Variants in TENM3 observed in about 807,000 individuals in gnomAD.
The protein encoded by TENM3 is teneurin transmembrane protein 3, also known as teneurin-3.
In TENM3, 63 loss-of-function variants were observed where a neutral mutation model predicts 255.1. The ratio of observed to expected loss-of-function variants is 0.25; its 90% confidence interval spans 0.20 to 0.30. TENM3 has a LOEUF of 0.30. TENM3 is among the 10% of genes least tolerant of loss of function. The probability of loss-of-function intolerance (pLI) is 1.00; values close to 1 mark genes in which losing one functional copy is unlikely to be tolerated. For missense variants in TENM3, 2,929 were observed against 3,461.1 expected, an observed-to-expected ratio of 0.85 and a Z score of 3.86; for synonymous variants, 1,306 against 1,322.3, an observed-to-expected ratio of 0.99 and a Z score of 0.27.
At chr4:182,416,906 A>G (rs548850345) in intron 3 of TENM3, among the ~76,000 whole-genome samples, 2 of 152,272 alleles carry the variant, frequency 1.3e-5, no homozygotes, top group South Asian at 2.1e-4. Flanking sequence ...ATGTTTTGTC[A>G]TTCAGCATGT....
At chr4:181,608,190 G>C in the TENM3 span, among the ~76,000 whole-genome samples, 1 of 152,206 alleles carries the variant, frequency 6.6e-6, no homozygotes, top group Non-Finnish European at 1.5e-5. Context: ...CTAAGAGGGA[G>C]AGAGCAAGAG....
chr4:182,757,877 CTA>C (rs1762851020), intron 22 of TENM3, among the ~76,000 whole-genome samples: 2 of 152,046 alleles, frequency 1.3e-5, no homozygotes, highest in Non-Finnish European at 2.9e-5. Context: ...TAAAGTATAT[CTA>C]TTAAATCTTA....
At chr4:182,739,017 G>A (rs959205991) in intron 18 of TENM3, among the ~76,000 whole-genome samples, 5 of 151,154 alleles carry the variant, frequency 3.3e-5, no homozygotes, top group African/African-American at 7.3e-5. Flanking sequence ...TTTAATTCTC[G>A]GGTAATTATT....
intron 6 of TENM3, among the ~76,000 whole-genome samples, chr4:182,657,353 C>A (rs767872740): frequency 6.6e-6 from 1 of 152,064 alleles, no homozygotes; most frequent in Non-Finnish European, 1.5e-5. Flanking sequence ...GATGACCCTG[C>A]ATTCTATTAA....
chr4:182,126,943 A>G, the TENM3 span, among the ~76,000 whole-genome samples: 1 of 152,318 alleles, frequency 6.6e-6, no homozygotes, highest in East Asian at 1.9e-4. Context: ...CATAGCCACA[A>G]ATCACCAATC....
intron 10 of TENM3, among the ~76,000 whole-genome samples, chr4:182,681,187 C>G (rs1370224561): frequency 6.6e-6 from 1 of 152,056 alleles, no homozygotes; most frequent in Non-Finnish European, 1.5e-5. Context: ...AGTCGAGATA[C>G]CATACTGTAA....
At chr4:182,264,998 G>C (rs552615825) in intron 1 of TENM3, among the ~76,000 whole-genome samples, 75 of 150,754 alleles carry the variant, frequency 5.0e-4, no homozygotes, top group African/African-American at 1.8e-3. Flanking sequence ...TAATGCACAC[G>C]AGAGGCCCTA....
the TENM3 span, among the ~76,000 whole-genome samples, chr4:181,658,749 A>G: frequency 6.6e-6 from 1 of 152,214 alleles, no homozygotes; most frequent in Non-Finnish European, 1.5e-5. Flanking sequence ...AGGCTATTTA[A>G]TTAGCCCACC....
chr4:181,532,056 A>G, the TENM3 span, among the ~76,000 whole-genome samples: 1 of 152,154 alleles, frequency 6.6e-6, no homozygotes, highest in Non-Finnish European at 1.5e-5. Flanking sequence ...GAAAGCCATT[A>G]TGTCTTTGAA....
At chr4:182,463,764 C>T (rs537013904) in intron 3 of TENM3, among the ~76,000 whole-genome samples, 1 of 151,866 alleles carries the variant, frequency 6.6e-6, no homozygotes, top group Non-Finnish European at 1.5e-5. Context: ...GCTGGGATTA[C>T]AGGCATGCGC....
chr4:182,235,285 G>C (rs1185185697), intron 1 of TENM3, among the ~76,000 whole-genome samples: 18 of 152,134 alleles, frequency 1.2e-4, no homozygotes, highest in Admixed American at 1.2e-3. Context: ...ATATTAATAG[G>C]TTAAAAATGT....
At position 182,754,303 on chromosome 4, in the gene TENM3, C is replaced by T; in HGVS notation, c.4018-82C>T. On this transcript the variant is annotated intron_variant, in intron 21 of 27. Coordinates refer to ENST00000511685, the MANE Select transcript of TENM3 (RefSeq NM_001080477.4). The surrounding 1 kb of genome is among the most constrained non-coding windows in gnomAD (Gnocchi z 5.1). The stretch of plus-strand genomic sequence containing the variant: ...TTTATCTCAGATTAATGCCAATTTC[C>T]CTGAATGGTCTAATTTACTCTTCTG... 7.2e-7 allele frequency: 1 copy of T among 1,384,834 alleles called. No homozygotes were observed. The highest frequency in any genetic ancestry group is 9.6e-7 in the Non-Finnish European group (1 of 1,038,590). The allele number at this position is 1,384,834 out of a possible 1,614,324, so 85.8% of individuals were successfully genotyped here. A position where few individuals can be genotyped will look rare whatever the true frequency, so the allele number is the denominator to read the frequency against.
At chr4:182,100,642 T>C in the TENM3 span, among the ~76,000 whole-genome samples, 4 of 64,940 alleles carry the variant, frequency 6.2e-5, no homozygotes, top group Non-Finnish European at 1.3e-4. Flanking sequence ...TATACACATA[T>C]ATATACACAT....
the TENM3 span, among the ~76,000 whole-genome samples, chr4:182,079,204 GC>G: frequency 6.6e-6 from 1 of 152,164 alleles, no homozygotes; most frequent in Admixed American, 6.5e-5. Flanking sequence ...AATATTAGGT[GC>G]TAGAATACCA....
At chr4:182,666,504 G>T (rs983747762) in intron 6 of TENM3, among the ~76,000 whole-genome samples, 6 of 152,158 alleles carry the variant, frequency 3.9e-5, no homozygotes, top group African/African-American at 1.4e-4. Flanking sequence ...CTACACTGAG[G>T]TAAGATCCTC....
chr4:181,561,858 T>G, the TENM3 span, among the ~76,000 whole-genome samples: 2 of 152,242 alleles, frequency 1.3e-5, no homozygotes, highest in Admixed American at 1.3e-4. Context: ...TGCCTTTTGA[T>G]ACATGTTTTC....
At chr4:182,155,182 A>T (rs570538538) in intron 1 of TENM3, among the ~76,000 whole-genome samples, 2 of 152,322 alleles carry the variant, frequency 1.3e-5, no homozygotes, top group South Asian at 4.1e-4. Flanking sequence ...CTAAAAAAGC[A>T]TAATTTATTA....
chr4:182,160,179 T>A (rs1751038342), intron 1 of TENM3, among the ~76,000 whole-genome samples: 2 of 150,974 alleles, frequency 1.3e-5, no homozygotes, highest in Admixed American at 6.6e-5. Flanking sequence ...ATTTTATGTA[T>A]TTTTAGTAGA....
chr4:182,335,494 C>CAAAA lies in TENM3; in HGVS notation c.233-11135_233-11132dup, dbSNP rs372965020. Among the ~76,000 whole-genome samples the CAAAA allele has an allele frequency of 8.2e-3, 426 of 51,982 alleles. 17 individuals carry two copies. Among genetic ancestry groups the CAAAA allele is most frequent in the African/African-American group, 0.018 (267 of 14,466 alleles). The allele number at this position is 51,982 out of a possible 152,430, so 34.1% of individuals were successfully genotyped here. On this transcript the variant is annotated intron_variant, in intron 2 of 27. Transcript: ENST00000511685. Reference sequence around the variant, plus strand: ...TGGGCGACAGAGCGAGACTCCGCCTCAAAAAAAAAAAAAAAAAAAAAAAAA... The same window carrying CAAAA: ...TGGGCGACAGAGCGAGACTCCGCCTCAAAAAAAAAAAAAAAAAAAAAAAAAAAAA...
Sources: gnomAD v4.1 joint callset for allele counts (sites outside exome capture counted in the v4.1 genomes callset) on GRCh38, gnomAD v4.1.1 for gene constraint, Gnocchi (gnomAD v3.1) non-coding constraint, MANE v1.5 for transcripts, NCBI Gene and HGNC (gene_info 2026-07-23, HGNC 2026-07-21) for gene names.